The following MSRB3 variants were observed in gnomAD, a reference collection of about 807,000 sequenced individuals.
MSRB3 encodes methionine sulfoxide reductase B3.
In MSRB3, 13 loss-of-function variants were observed where a neutral mutation model predicts 21.0. That is an observed-to-expected ratio of 0.62 (90% CI 0.40 to 0.98). The LOEUF is 0.98. Among genes scored for constraint, MSRB3 ranks in the 50% least tolerant of loss-of-function variants. The pLI, the probability that MSRB3 is intolerant of heterozygous loss-of-function variation, is 0.00. For synonymous variants in MSRB3, 87 were observed against 88.6 expected, an observed-to-expected ratio of 0.98 and a Z score of 0.10; for missense variants, 199 against 230.3, an observed-to-expected ratio of 0.86 and a Z score of 0.88.
At chr12:65,368,926 C>A (rs923942441) in intron 4 of MSRB3, 72 bp from the exon 5 acceptor site, 45 of 474,042 alleles carry the variant, frequency 9.5e-5, no homozygotes, top group African/African-American at 4.1e-4. Context: ...CAACCACACC[C>A]CCCCCCCCCA....
chr12:65,381,121 A>C (rs888900470), intron 5 of MSRB3, among the ~76,000 whole-genome samples: 4 of 152,208 alleles, frequency 2.6e-5, no homozygotes, highest in Non-Finnish European at 4.4e-5. Context: ...AAAGATATTC[A>C]TGAAGGATTT....
intron 6 of MSRB3, among the ~76,000 whole-genome samples, chr12:65,462,604 C>G (rs780639419): frequency 5.9e-5 from 9 of 152,132 alleles, no homozygotes; most frequent in Non-Finnish European, 1.2e-4. Flanking sequence ...CATTTGCAGC[C>G]CTGGTGACTG....
chr12:65,349,760 G>GT (rs1555204814), intron 4 of MSRB3, among the ~76,000 whole-genome samples: 1 of 150,706 alleles, frequency 6.6e-6, no homozygotes, highest in Admixed American at 6.6e-5. Context: ...GGGGTTGTTT[G>GT]TTTTTTTCTT....
chr12:65,338,363 T>C (rs549872279), intron 4 of MSRB3, among the ~76,000 whole-genome samples: 1 of 152,354 alleles, frequency 6.6e-6, no homozygotes, highest in African/African-American at 2.4e-5. Flanking sequence ...CAAATGTAGT[T>C]AAATAATTGG....
chr12:65,298,923 T>C (rs1336801411), intron 1 of MSRB3, among the ~76,000 whole-genome samples: 1 of 152,208 alleles, frequency 6.6e-6, no homozygotes, highest in South Asian at 2.1e-4. Flanking sequence ...TAGGATTTAG[T>C]CAGCTTGCAT....
At chr12:65,409,629 A>C (rs1231339751) in intron 5 of MSRB3, among the ~76,000 whole-genome samples, 1 of 152,134 alleles carries the variant, frequency 6.6e-6, no homozygotes, top group Non-Finnish European at 1.5e-5. Context: ...TCTTTAAAAT[A>C]ATTGAGAATT....
At chr12:65,353,652 A>T (rs573041410) in intron 4 of MSRB3, among the ~76,000 whole-genome samples, 248 of 152,160 alleles carry the variant, frequency 1.6e-3, no homozygotes, top group African/African-American at 5.2e-3. Flanking sequence ...TGAATACAGC[A>T]CCCTGATGGG....
chr12:65,364,615 G>T (rs944746999), intron 4 of MSRB3, among the ~76,000 whole-genome samples: 44 of 151,940 alleles, frequency 2.9e-4, no homozygotes, highest in African/African-American at 9.9e-4. Context: ...TTCTTTTCTT[G>T]TGCAATCCTT....
chr12:65,426,060 G>T (rs1013716757), intron 5 of MSRB3, among the ~76,000 whole-genome samples: 3 of 152,068 alleles, frequency 2.0e-5, no homozygotes, highest in Non-Finnish European at 4.4e-5. Context: ...GTTTCACCAT[G>T]TTGGCCAAGC....
At chr12:65,290,602 CTG>C (rs1202062074) in intron 1 of MSRB3, among the ~76,000 whole-genome samples, 2 of 152,098 alleles carry the variant, frequency 1.3e-5, no homozygotes, top group African/African-American at 4.8e-5. Context: ...TTTTTCCTAA[CTG>C]GGGGGAAAAG....
At chr12:65,421,296 T>C (rs1223257016) in intron 5 of MSRB3, among the ~76,000 whole-genome samples, 1 of 152,256 alleles carries the variant, frequency 6.6e-6, no homozygotes, top group Non-Finnish European at 1.5e-5. Flanking sequence ...CTTTGCCCAC[T>C]TTTTAATGTG....
At chr12:65,462,804 G>A (rs559342503) in intron 6 of MSRB3, among the ~76,000 whole-genome samples, 20 of 152,304 alleles carry the variant, frequency 1.3e-4, no homozygotes, top group African/African-American at 4.6e-4. Context: ...AATGCCGGGG[G>A]AAAGATTTTA....
chr12:65,383,604 T>G (rs914131089), intron 5 of MSRB3, among the ~76,000 whole-genome samples: 5 of 152,152 alleles, frequency 3.3e-5, no homozygotes, highest in Admixed American at 2.6e-4. Context: ...TAAATGGATG[T>G]TTTTATCTAA....
intron 5 of MSRB3, among the ~76,000 whole-genome samples, chr12:65,381,734 T>C (rs1421891383): frequency 6.6e-6 from 1 of 152,138 alleles, no homozygotes; most frequent in African/African-American, 2.4e-5. Flanking sequence ...AGTAAAAAAT[T>C]AACACATTTA....
intron 5 of MSRB3, among the ~76,000 whole-genome samples, chr12:65,433,031 A>G (rs1308960853): frequency 6.6e-6 from 1 of 151,986 alleles, no homozygotes; most frequent in African/African-American, 2.4e-5. Context: ...TGGGAATGTA[A>G]AATGGTACAC....
intron 5 of MSRB3, among the ~76,000 whole-genome samples, chr12:65,375,189 C>T (rs1326991823): frequency 6.6e-6 from 1 of 152,074 alleles, no homozygotes; most frequent in East Asian, 1.9e-4. Flanking sequence ...AGAGGGGACA[C>T]GGCTCTTCAT....
At chr12:65,408,472 T>C (rs953031168) in intron 5 of MSRB3, among the ~76,000 whole-genome samples, 4 of 152,214 alleles carry the variant, frequency 2.6e-5, no homozygotes, top group Non-Finnish European at 5.9e-5. Flanking sequence ...AGTTTCATGT[T>C]TATCTGACTA....
intron 5 of MSRB3, among the ~76,000 whole-genome samples, chr12:65,376,480 A>G (rs1159623389): frequency 3.3e-5 from 5 of 152,204 alleles, no homozygotes; most frequent in African/African-American, 4.8e-5. Context: ...GTCTGGTGGC[A>G]GCCAATTTAC....
intron 4 of MSRB3, among the ~76,000 whole-genome samples, chr12:65,345,329 G>T (rs1463131637): frequency 6.6e-6 from 1 of 152,014 alleles, no homozygotes; most frequent in African/African-American, 2.4e-5. Context: ...AAAAATGAGT[G>T]TCATTGGACT....
Sources: allele counts gnomAD v4.1 joint callset (sites outside exome capture counted in the v4.1 genomes callset), GRCh38; gene constraint gnomAD v4.1.1; transcripts MANE v1.5; gene names NCBI Gene and HGNC (gene_info 2026-07-23, HGNC 2026-07-21).